Variants in REDIC1 observed in about 807,000 individuals in gnomAD.
The protein encoded by REDIC1 is regulator of DNA class I crossover intermediates 1, also known as HEI10 Interacting Protein 1.
chr12:39,732,108 G>A, the REDIC1 span, among the ~76,000 whole-genome samples: 2 of 152,012 alleles, frequency 1.3e-5, no homozygotes, highest in South Asian at 2.1e-4. Context: ...CACTCCAATT[G>A]TGCATCCCTA....
chr12:39,712,018 A>C, the REDIC1 span, among the ~76,000 whole-genome samples: 4 of 32,780 alleles, frequency 1.2e-4, no homozygotes, highest in African/African-American at 3.1e-4. Context: ...ACCTACCTGT[A>C]TGTATATATA....
the REDIC1 span, among the ~76,000 whole-genome samples, chr12:39,869,694 G>C: frequency 3.3e-5 from 5 of 152,132 alleles, no homozygotes; most frequent in Non-Finnish European, 2.9e-5. Context: ...GATGGCTCTG[G>C]AAATCCTTGG....
the REDIC1 span, among the ~76,000 whole-genome samples, chr12:39,729,329 G>T: frequency 6.6e-6 from 1 of 152,154 alleles, no homozygotes; most frequent in African/African-American, 2.4e-5. Flanking sequence ...CACTGCTTTA[G>T]CTGTGTCCCA....
At chr12:39,833,323 T>A in the REDIC1 span, among the ~76,000 whole-genome samples, 1 of 152,050 alleles carries the variant, frequency 6.6e-6, no homozygotes, top group Non-Finnish European at 1.5e-5. Flanking sequence ...CCTATATAGA[T>A]CCCCTGTGGA....
the REDIC1 span, among the ~76,000 whole-genome samples, chr12:39,775,525 A>G: frequency 0.98 from 148,575 of 152,346 alleles, 72,452 homozygotes; most frequent in East Asian, 1. Context: ...TGAGTGGTCT[A>G]AGAAAATGTT....
the REDIC1 span, among the ~76,000 whole-genome samples, chr12:39,895,517 T>A: frequency 9.8e-3 from 9 of 922 alleles, no homozygotes; most frequent in Non-Finnish European, 0.019. Flanking sequence ...AAAAAAATTA[T>A]ATATATATAT....
chr12:39,720,691 T>A, the REDIC1 span: 1 of 965,104 alleles, frequency 1.0e-6, no homozygotes, highest in Non-Finnish European at 1.6e-6. Context: ...AGAAATTTTC[T>A]ATAGTTGGGA....
At chr12:39,742,369 G>A in the REDIC1 span, among the ~76,000 whole-genome samples, 7 of 152,276 alleles carry the variant, frequency 4.6e-5, no homozygotes, top group South Asian at 1.4e-3. Flanking sequence ...TTTATTAAGT[G>A]TTGATAAATG....
At chr12:39,886,674 G>C in the REDIC1 span, among the ~76,000 whole-genome samples, 1 of 152,028 alleles carries the variant, frequency 6.6e-6, no homozygotes, top group Non-Finnish European at 1.5e-5. Context: ...TGTAGAATTG[G>C]TTTTAGAAAT....
the REDIC1 span, among the ~76,000 whole-genome samples, chr12:39,873,075 CTAA>C: frequency 6.6e-6 from 1 of 152,144 alleles, no homozygotes; most frequent in Non-Finnish European, 1.5e-5. Flanking sequence ...ATTTTTTAAA[CTAA>C]TGATGATGGT....
At chr12:39,820,390 T>C in the REDIC1 span, among the ~76,000 whole-genome samples, 1 of 152,320 alleles carries the variant, frequency 6.6e-6, no homozygotes, top group South Asian at 2.1e-4. Flanking sequence ...GAATTGTGAT[T>C]GGCATTGGTT....
At chr12:39,826,752 T>A in the REDIC1 span, among the ~76,000 whole-genome samples, 1 of 151,022 alleles carries the variant, frequency 6.6e-6, no homozygotes, top group Non-Finnish European at 1.5e-5. Context: ...CATATATATG[T>A]CATATAAAAT....
At chr12:39,750,621 A>G in the REDIC1 span, among the ~76,000 whole-genome samples, 1 of 152,350 alleles carries the variant, frequency 6.6e-6, no homozygotes, top group East Asian at 1.9e-4. Flanking sequence ...CTAAGCCAAA[A>G]GAACAAAGCT....
At chr12:39,883,199 A>G in the REDIC1 span, among the ~76,000 whole-genome samples, 1 of 152,180 alleles carries the variant, frequency 6.6e-6, no homozygotes, top group Non-Finnish European at 1.5e-5. Flanking sequence ...CAAACAATCC[A>G]AAGGATTAAA....
chr12:39,751,095 C>G, the REDIC1 span, among the ~76,000 whole-genome samples: 1 of 152,080 alleles, frequency 6.6e-6, no homozygotes, highest in Non-Finnish European at 1.5e-5. Context: ...TTCTGCACAG[C>G]AAAAGAAACT....
the REDIC1 span, chr12:39,759,550 A>C: frequency 2.0e-5 from 3 of 153,240 alleles, no homozygotes; most frequent in Non-Finnish European, 2.9e-5. Context: ...ACAGCTGATC[A>C]GAGATAAGCC....
At chr12:39,866,537 G>A in the REDIC1 span, among the ~76,000 whole-genome samples, 1 of 151,920 alleles carries the variant, frequency 6.6e-6, no homozygotes, top group Admixed American at 6.6e-5. Context: ...GGAGTGCAGT[G>A]GCGCGATCTC....
the REDIC1 span, among the ~76,000 whole-genome samples, chr12:39,812,408 TCCTTCCTTCCTTCCTG>T: frequency 2.0e-5 from 3 of 149,730 alleles, no homozygotes; most frequent in Non-Finnish European, 4.5e-5. Context: ...CTTTCTTCCT[TCCTTCCTTCCTTCCTG>T]CCTTCCTTCC....
chr12:39,760,107 A>C, the REDIC1 span: 4 of 1,612,944 alleles, frequency 2.5e-6, no homozygotes, highest in Non-Finnish European at 3.4e-6. Flanking sequence ...ATCTCCCTTC[A>C]TCAGAATCTG....
Sources: gnomAD v4.1 joint callset for allele counts (sites outside exome capture counted in the v4.1 genomes callset) on GRCh38, gnomAD v4.1.1 for gene constraint, MANE v1.5 for transcripts, NCBI Gene and HGNC (gene_info 2026-07-23, HGNC 2026-07-21) for gene names.